Variants in RSPRY1 observed in about 807,000 individuals in gnomAD.
RSPRY1 encodes the protein RING finger and SPRY domain-containing protein 1.
In RSPRY1, 23 loss-of-function variants were observed where a neutral mutation model predicts 73.1. That is an observed-to-expected ratio of 0.31 (90% confidence interval 0.23 to 0.45). The LOEUF (loss-of-function observed/expected upper bound fraction) is 0.45. Ranked by LOEUF, RSPRY1 falls within the 20% of genes least tolerant of loss-of-function variation. The probability of loss-of-function intolerance (pLI) is 1.00; values close to 1 mark genes in which losing one functional copy is unlikely to be tolerated. For synonymous variants in RSPRY1, 226 were observed against 251.4 expected, an observed-to-expected ratio of 0.90 and a Z score of 0.95; for missense variants, 448 against 698.7, an observed-to-expected ratio of 0.64 and a Z score of 4.05.
At chr16:57,186,836 C>G (rs1264104159) in intron 1 of RSPRY1, 1 of 151,924 alleles carries the variant, frequency 6.6e-6, no homozygotes, top group Non-Finnish European at 1.5e-5. Context: ...CCGATGGGGT[C>G]CTGACCTACT....
intron 2 of RSPRY1, among the ~76,000 whole-genome samples, chr16:57,206,268 C>T (rs1417013193): frequency 2.0e-5 from 3 of 152,068 alleles, no homozygotes; most frequent in Non-Finnish European, 2.9e-5. Context: ...TATCCAGGTA[C>T]AGTGGCACTT....
intron 10 of RSPRY1, among the ~76,000 whole-genome samples, chr16:57,222,321 TG>T: frequency 6.6e-6 from 1 of 152,336 alleles, no homozygotes; most frequent in East Asian, 1.9e-4. Flanking sequence ...CTCAAACTCC[TG>T]GGCTCAAGCC....
chr16:57,204,644 C>A lies in RSPRY1; in HGVS notation c.-15C>A. On this transcript the variant is annotated 5_prime_UTR_variant, in exon 2 of 15. The change creates a new upstream start codon in the 5' untranslated region. Coordinates refer to ENST00000394420, the MANE Select transcript of RSPRY1 (RefSeq NM_133368.3). ...GGTTATGAAAACAGTACTTGGAAAA[C>A]TGAAAACTACCTAAATGATCGTCTT... The A allele has an allele frequency of 6.2e-7, 1 of 1,608,582 alleles. No individual in the cohort carries two copies. Among genetic ancestry groups the A allele is most frequent in the Non-Finnish European group, 8.5e-7 (1 of 1,176,114 alleles).
chr16:57,200,027 G>GT (rs2074537954), intron 1 of RSPRY1, among the ~76,000 whole-genome samples: 1 of 145,438 alleles, frequency 6.9e-6, no homozygotes, highest in South Asian at 2.2e-4. Context: ...AAGGTCTCTG[G>GT]TTTTCCTAGG....
chr16:57,189,016 C>T (rs2074302894), intron 1 of RSPRY1, among the ~76,000 whole-genome samples: 1 of 141,540 alleles, frequency 7.1e-6, no homozygotes, highest in African/African-American at 2.7e-5. Context: ...TTTTTGAGAC[C>T]GAGATTCCCT....
intron 11 of RSPRY1, among the ~76,000 whole-genome samples, chr16:57,228,753 G>A (rs2075160866): frequency 6.6e-6 from 1 of 152,150 alleles, no homozygotes; most frequent in South Asian, 2.1e-4. Flanking sequence ...GCGTGCAGTG[G>A]TGTGATCATA....
intron 11 of RSPRY1, among the ~76,000 whole-genome samples, chr16:57,228,707 T>C (rs1030762004): frequency 6.6e-6 from 1 of 152,240 alleles, no homozygotes; most frequent in Non-Finnish European, 1.5e-5. Context: ...GTTGCTGTTT[T>C]TGAGACAGGG....
At chr16:57,201,581 C>T (rs2074608273) in intron 1 of RSPRY1, among the ~76,000 whole-genome samples, 2 of 152,358 alleles carry the variant, frequency 1.3e-5, no homozygotes, top group African/African-American at 2.4e-5. Flanking sequence ...GCTGCAATCT[C>T]GGCACTTTGG....
intron 1 of RSPRY1, among the ~76,000 whole-genome samples, chr16:57,193,722 G>A (rs2074390272): frequency 6.6e-6 from 1 of 152,172 alleles, no homozygotes; most frequent in Non-Finnish European, 1.5e-5. Context: ...TAGGGTTTGA[G>A]TCACAGGTAT....
chr16:57,233,780 A>G (rs2075262145), intron 13 of RSPRY1, among the ~76,000 whole-genome samples: 1 of 152,180 alleles, frequency 6.6e-6, no homozygotes, highest in Admixed American at 6.5e-5. Flanking sequence ...CAGCAAATCC[A>G]GTAGGCTGTG....
chr16:57,238,774 C>A, intron 14 of RSPRY1, 105 bp from the exon 15 acceptor site: 1 of 582,356 alleles, frequency 1.7e-6, no homozygotes, highest in Non-Finnish European at 3.1e-6. Flanking sequence ...ATTAGTAACC[C>A]TTTCAATGAA....
At position 57,230,629 on chromosome 16, in the gene RSPRY1, C is replaced by T; in HGVS notation, c.1274-82C>T. ...CTAAAGATGCAGACTTAATACAGTG[C>T]CATTGAAACACTTGAGATGCTTAGC... is the stretch of plus-strand genomic sequence containing the variant. On this transcript the variant is annotated intron_variant, in intron 11 of 14. Transcript: ENST00000394420. The T allele has an allele frequency of 4.0e-6, 3 of 754,528 alleles. No individual in the cohort carries two copies. The Admixed American group carries it at 6.2e-5, about 16-fold the overall frequency. The allele number at this position is 754,528 out of a possible 1,614,324, so 46.7% of individuals were successfully genotyped here. A position where few individuals can be genotyped will look rare whatever the true frequency, so the allele number is the denominator to read the frequency against.
chr16:57,187,373 G>C (rs1230768148), intron 1 of RSPRY1, among the ~76,000 whole-genome samples: 1 of 152,198 alleles, frequency 6.6e-6, no homozygotes, highest in Admixed American at 6.5e-5. Context: ...GTCCTGTCTT[G>C]TATAGTTCTC....
intron 10 of RSPRY1, among the ~76,000 whole-genome samples, chr16:57,222,792 T>G (rs1380715626): frequency 6.6e-6 from 1 of 152,214 alleles, no homozygotes; most frequent in Non-Finnish European, 1.5e-5. Flanking sequence ...AGGGGATTCT[T>G]CCAGGGAGGA....
chr16:57,217,196 C>T (rs1362175199), intron 8 of RSPRY1, among the ~76,000 whole-genome samples, 161 bp downstream of exon 8: 2 of 152,128 alleles, frequency 1.3e-5, no homozygotes, highest in Non-Finnish European at 2.9e-5. Context: ...TCCTAGAGAC[C>T]CTTTAGACAA....
At chr16:57,207,664 C>T (rs1421172488) in intron 2 of RSPRY1, 1 of 459,450 alleles carries the variant, frequency 2.2e-6, no homozygotes, top group Non-Finnish European at 4.4e-6. Context: ...ATTGTCGTCT[C>T]TCTTCCTGGC....
intron 9 of RSPRY1, 95 bp downstream of exon 9, chr16:57,220,942 ACT>A (rs2075025071): frequency 1.1e-6 from 1 of 879,300 alleles, no homozygotes; most frequent in African/African-American, 1.7e-5. Flanking sequence ...GGTGCTTCCC[ACT>A]CTCCCTGTAT....
At chr16:57,238,006 A>G (rs1269128363) in intron 14 of RSPRY1, among the ~76,000 whole-genome samples, 1 of 152,218 alleles carries the variant, frequency 6.6e-6, no homozygotes, top group Non-Finnish European at 1.5e-5. Flanking sequence ...ATGACTTACA[A>G]AATACACAAA....
intron 1 of RSPRY1, among the ~76,000 whole-genome samples, chr16:57,196,345 T>G (rs1377700250): frequency 9.2e-5 from 14 of 152,190 alleles, no homozygotes; most frequent in Admixed American, 9.2e-4. Context: ...GAAATTAACA[T>G]TTTTGACCCA....
Sources: allele counts gnomAD v4.1 joint callset (sites outside exome capture counted in the v4.1 genomes callset), GRCh38; gene constraint gnomAD v4.1.1; transcripts MANE v1.5; gene names NCBI Gene and HGNC (gene_info 2026-07-23, HGNC 2026-07-21).